Variants in L3MBTL4 observed in about 807,000 individuals in gnomAD.
L3MBTL4 encodes lethal(3)malignant brain tumor-like protein 4.
L3MBTL4 carries 70 observed loss-of-function variants against 84.5 expected under a neutral mutation model. The observed-to-expected ratio is 0.83, with a 90% CI of 0.68 to 1.01. The LOEUF (loss-of-function observed/expected upper bound fraction) is 1.01. Ranked by LOEUF, L3MBTL4 falls within the 50% of genes least tolerant of loss-of-function variation. The pLI, the probability that L3MBTL4 is intolerant of heterozygous loss-of-function variation, is 0.00. For missense variants in L3MBTL4, 715 were observed against 754.8 expected (o/e 0.95, Z 0.62); for synonymous variants, 274 against 259.8 (o/e 1.05, Z -0.52).
intron 16 of L3MBTL4, among the ~76,000 whole-genome samples, chr18:5,984,982 CA>C (rs1567949749): frequency 6.6e-6 from 1 of 151,724 alleles, no homozygotes; most frequent in Non-Finnish European, 1.5e-5. Flanking sequence ...TCAACTTTTC[CA>C]TTTTTTTTTT....
At chr18:6,228,227 A>G (rs2046855074) in intron 10 of L3MBTL4, among the ~76,000 whole-genome samples, 1 of 152,220 alleles carries the variant, frequency 6.6e-6, no homozygotes, top group Non-Finnish European at 1.5e-5. Context: ...TATTCCAAAC[A>G]AAAATCAAAC....
chr18:6,409,296 T>A (rs1393405746), intron 1 of L3MBTL4, among the ~76,000 whole-genome samples: 1 of 152,146 alleles, frequency 6.6e-6, no homozygotes, highest in Admixed American at 6.5e-5. Context: ...AAATAAATCA[T>A]CATAACAATA....
chr18:6,082,311 TTC>T (rs910300008), intron 15 of L3MBTL4: 40 of 152,144 alleles, frequency 2.6e-4, no homozygotes, highest in African/African-American at 8.7e-4. Flanking sequence ...TTTGTTTACA[TTC>T]TTTTTTTTTG....
rs567815761 is a variant in L3MBTL4, at chr18:6,308,176, G to A, written c.72+3378C>T. On this transcript the variant is annotated intron_variant, in intron 3 of 18. Coordinates refer to ENST00000317931, the MANE Select transcript of L3MBTL4 (RefSeq NM_001330559.2). ...TGGAAGTTGTGAAAAGACAAAATAC[G>A]TCAAGGAGTCTAAAGGGACAGAGAA... 3.3e-5 allele frequency among the ~76,000 whole-genome samples: 5 copies of A among 152,308 alleles called. No homozygotes were observed. The South Asian group carries it at 8.3e-4, about 25-fold the overall frequency.
At chr18:6,158,009 G>C (rs1187762025) in intron 13 of L3MBTL4, among the ~76,000 whole-genome samples, 1 of 152,148 alleles carries the variant, frequency 6.6e-6, no homozygotes, top group African/African-American at 2.4e-5. Context: ...CAATTCCATA[G>C]CTACTACTCA....
intron 5 of L3MBTL4, among the ~76,000 whole-genome samples, chr18:6,262,296 C>A (rs936588406): frequency 1.3e-5 from 2 of 152,182 alleles, no homozygotes; most frequent in African/African-American, 4.8e-5. Context: ...CAGCCAACCA[C>A]CTTCAAAGAT....
intron 16 of L3MBTL4, among the ~76,000 whole-genome samples, chr18:6,012,193 C>T (rs971383438): frequency 3.9e-5 from 6 of 152,120 alleles, no homozygotes; most frequent in Middle Eastern, 3.4e-3. Flanking sequence ...GCAGAAAACA[C>T]GGAGTGAAGA....
At chr18:6,019,605 A>G (rs1000371849) in intron 16 of L3MBTL4, among the ~76,000 whole-genome samples, 1 of 152,214 alleles carries the variant, frequency 6.6e-6, no homozygotes, top group African/African-American at 2.4e-5. Context: ...CATATATGTC[A>G]CTTAAATTAG....
At chr18:6,017,783 T>C (rs1184481692) in intron 16 of L3MBTL4, 1 of 152,166 alleles carries the variant, frequency 6.6e-6, no homozygotes, top group Non-Finnish European at 1.5e-5. Context: ...TCCCTCTCCA[T>C]GGGAATCTTT....
intron 1 of L3MBTL4, among the ~76,000 whole-genome samples, chr18:6,393,293 T>A (rs1050050207): frequency 2.0e-5 from 3 of 152,130 alleles, no homozygotes; most frequent in Admixed American, 2.0e-4. Context: ...CAAACCGGAA[T>A]TCAGCGGAAG....
chr18:6,056,791 A>C (rs2057041211), intron 16 of L3MBTL4, among the ~76,000 whole-genome samples: 1 of 151,924 alleles, frequency 6.6e-6, no homozygotes, highest in Non-Finnish European at 1.5e-5. Context: ...CTAAGCTGCA[A>C]CTCTGTCATT....
chr18:6,396,131 T>G (rs1254423049), intron 1 of L3MBTL4: 1 of 152,262 alleles, frequency 6.6e-6, no homozygotes, highest in East Asian at 1.9e-4. Flanking sequence ...TTTTCTGTAT[T>G]TAAGCATTCA....
At position 6,163,294 on chromosome 18, in the gene L3MBTL4, TGTGTGTGTGTGTGG is replaced by T. The variant is rs796894830; in HGVS notation, c.1096+8520_1096+8533del. ...GTGGGTGTGTGTGTGTGTGTGTGTG[TGTGTGTGTGTGTGG>T]GTGGGTGTGTATTTTTGCTTTCACA... On this transcript the variant is annotated intron_variant, in intron 13 of 18. Coordinates refer to ENST00000317931, the MANE Select transcript of L3MBTL4 (RefSeq NM_001330559.2). Among the ~76,000 whole-genome samples the T allele has an allele frequency of 5.4e-3, 707 of 130,002 alleles. 12 individuals are homozygous for T. The highest frequency in any genetic ancestry group is 0.022 in the African/African-American group (660 of 30,418). The allele number at this position is 130,002 out of a possible 152,430, so 85.3% of individuals were successfully genotyped here. A position where few individuals can be genotyped will look rare whatever the true frequency, so the allele number is the denominator to read the frequency against.
chr18:5,997,173 A>T (rs2145215516), intron 16 of L3MBTL4, among the ~76,000 whole-genome samples: 1 of 150,966 alleles, frequency 6.6e-6, no homozygotes, highest in Admixed American at 6.5e-5. Context: ...TAAGTAATCT[A>T]GAGATGATTT....
intron 1 of L3MBTL4, among the ~76,000 whole-genome samples, chr18:6,380,994 G>A (rs1238159578): frequency 6.6e-6 from 1 of 152,014 alleles, no homozygotes; most frequent in Admixed American, 6.5e-5. Flanking sequence ...TATGCATCTG[G>A]GTGCTACTGT....
intron 17 of L3MBTL4, among the ~76,000 whole-genome samples, chr18:5,961,613 A>C (rs1338906086): frequency 6.6e-6 from 1 of 152,166 alleles, no homozygotes; most frequent in African/African-American, 2.4e-5. Flanking sequence ...CTCCCACACC[A>C]GCCATATTGT....
At chr18:6,374,033 C>T (rs1469355894) in intron 1 of L3MBTL4, among the ~76,000 whole-genome samples, 1 of 152,086 alleles carries the variant, frequency 6.6e-6, no homozygotes, top group African/African-American at 2.4e-5. Context: ...CCATGTGTAT[C>T]AGTGGTCTCT....
At chr18:5,979,626 G>T (rs1307205512) in intron 16 of L3MBTL4, among the ~76,000 whole-genome samples, 1 of 152,060 alleles carries the variant, frequency 6.6e-6, no homozygotes, top group South Asian at 2.1e-4. Flanking sequence ...ACCACACCAG[G>T]GGCATTTTTT....
Position 6,311,654 on chromosome 18 carries a change from T to C in L3MBTL4, c.-29A>G, listed in dbSNP as rs2050839677. The C allele has an allele frequency of 6.3e-7, 1 of 1,595,526 alleles. No individual in the cohort carries two copies. The highest frequency in any genetic ancestry group is 1.7e-5 in the Admixed American group (1 of 59,956). ...CACCCCCGCACTCCTTGGCAGTGGT[T>C]TTCTGTAAAACAGGGTTACATAAGA... On this transcript the variant is annotated splice_region_variant and 5_prime_UTR_variant, in exon 3 of 19. Transcript: ENST00000317931.
Sources: allele counts gnomAD v4.1 joint callset (sites outside exome capture counted in the v4.1 genomes callset), GRCh38; gene constraint gnomAD v4.1.1; transcripts MANE v1.5; gene names NCBI Gene and HGNC (gene_info 2026-07-23, HGNC 2026-07-21).